The following TRPS1 variants were observed in gnomAD, a reference collection of about 807,000 sequenced individuals.
TRPS1 encodes the protein transcriptional repressor GATA binding 1, also known as zinc finger transcription factor Trps1.
TRPS1 carries 6 observed loss-of-function variants against 101.2 expected under a neutral mutation model. The ratio of observed to expected loss-of-function variants is 0.06; its 90% CI spans 0.03 to 0.12. The LOEUF is 0.12. Ranked by LOEUF, TRPS1 falls within the 10% of genes least tolerant of loss-of-function variation. The probability of loss-of-function intolerance (pLI) is 1.00; values close to 1 mark genes in which losing one functional copy is unlikely to be tolerated. For synonymous variants in TRPS1, 578 were observed against 589.8 expected (o/e 0.98, Z 0.29); for missense variants, 1,363 against 1,567.0 (o/e 0.87, Z 2.20).
At chr8:115,589,112 A>T (rs1817628801) in intron 4 of TRPS1, among the ~76,000 whole-genome samples, 1 of 152,202 alleles carries the variant, frequency 6.6e-6, no homozygotes, top group South Asian at 2.1e-4. Flanking sequence ...GGGGAAAGGA[A>T]GCCACATTCT....
intron 5 of TRPS1, among the ~76,000 whole-genome samples, chr8:115,538,404 G>A (rs997773851): frequency 7.2e-5 from 11 of 151,996 alleles, no homozygotes; most frequent in East Asian, 1.9e-4. Context: ...ACATTTTACC[G>A]ACTATCTTGC....
chr8:115,555,748 G>A (rs74511437), intron 5 of TRPS1, among the ~76,000 whole-genome samples: 4,485 of 152,214 alleles, frequency 0.029, 210 homozygotes, highest in African/African-American at 0.1. Context: ...GCTCACGCCT[G>A]TAATCTCAGC....
chr8:115,652,166 A>G (rs1334211214), intron 1 of TRPS1, among the ~76,000 whole-genome samples: 3 of 152,182 alleles, frequency 2.0e-5, no homozygotes, highest in African/African-American at 7.2e-5. Flanking sequence ...AGAGATACCC[A>G]AGAGAATGGC....
At chr8:115,660,149 AT>A (rs1266794950) in intron 1 of TRPS1, among the ~76,000 whole-genome samples, 1 of 151,962 alleles carries the variant, frequency 6.6e-6, no homozygotes, top group African/African-American at 2.4e-5. Flanking sequence ...TCTGCCATAT[AT>A]TTTTACACTA....
At chr8:115,524,540 C>T (rs1329944111) in intron 5 of TRPS1, among the ~76,000 whole-genome samples, 2 of 151,830 alleles carry the variant, frequency 1.3e-5, no homozygotes, top group East Asian at 2.0e-4. Flanking sequence ...AGGCTGGTCT[C>T]GAACTCCTGA....
At chr8:115,639,453 G>A (rs1238157204) in intron 1 of TRPS1, among the ~76,000 whole-genome samples, 1 of 152,076 alleles carries the variant, frequency 6.6e-6, no homozygotes, top group African/African-American at 2.4e-5. Flanking sequence ...GATTTCCCTT[G>A]TTTTCATTTT....
At chr8:115,575,529 CAT>C (rs1320299261) in intron 5 of TRPS1, among the ~76,000 whole-genome samples, 1 of 151,988 alleles carries the variant, frequency 6.6e-6, no homozygotes, top group Non-Finnish European at 1.5e-5. Context: ...CTATAATGAA[CAT>C]ATATCTTGAT....
chr8:115,614,104 G>T (rs541323308), intron 3 of TRPS1, among the ~76,000 whole-genome samples: 73 of 152,236 alleles, frequency 4.8e-4, no homozygotes, highest in Non-Finnish European at 8.7e-4. Flanking sequence ...CACACTACTT[G>T]TATATCTGTG....
chr8:115,652,249 C>A (rs1291623897), intron 1 of TRPS1, among the ~76,000 whole-genome samples: 2 of 152,142 alleles, frequency 1.3e-5, no homozygotes, highest in East Asian at 3.9e-4. Context: ...CATGAGGCTA[C>A]TGGCGACTTC....
In TRPS1 at chr8:115,619,481, C is replaced by G; in HGVS notation, c.617G>C (p.Gly206Ala). Reference sequence around the variant, plus strand: ...TTTGGATTTATTCAGTCTTACACCCCCATCTGAAGGCACTTGTGGGTTTTT... The same window carrying G: ...TTTGGATTTATTCAGTCTTACACCCGCATCTGAAGGCACTTGTGGGTTTTT... ...ASKNPQVPSDGGVRLNKSKTD... is the reference protein window; with the variant it reads ...ASKNPQVPSDAGVRLNKSKTD... The change falls in exon 3 of 7, where the codon GGG becomes GCG. Residue 206 changes from glycine to alanine, a missense_variant. By Grantham distance (60) the Gly-to-Ala change is moderately conservative. This residue lies in a region of TRPS1 where 1,020 missense variants were observed against 1,073.0 expected (regional missense o/e 0.95). Transcript: ENST00000395715. 2 of 1,614,200 alleles carry G rather than the reference C, an allele frequency of 1.2e-6. No homozygotes were observed. The highest frequency in any genetic ancestry group is 1.7e-6 in the Non-Finnish European group (2 of 1,180,046).
intron 1 of TRPS1, among the ~76,000 whole-genome samples, chr8:115,659,338 A>G (rs59002822): frequency 0.019 from 2,841 of 151,968 alleles, 97 homozygotes; most frequent in African/African-American, 0.065. Context: ...CTAAAAAGGT[A>G]TACTTCCAAT....
At chr8:115,523,521 G>C (rs937017889) in intron 5 of TRPS1, among the ~76,000 whole-genome samples, 3 of 152,050 alleles carry the variant, frequency 2.0e-5, no homozygotes, top group Non-Finnish European at 4.4e-5. Context: ...AATAGAGCGA[G>C]GCTCTGTCTC....
chr8:115,636,056 C>A (rs1818760106), intron 1 of TRPS1, among the ~76,000 whole-genome samples: 1 of 150,250 alleles, frequency 6.7e-6, no homozygotes, highest in Admixed American at 6.6e-5. Flanking sequence ...GATTTTGATG[C>A]ATTTTTTCAT....
chr8:115,520,725 GT>G (rs67217936), intron 5 of TRPS1, among the ~76,000 whole-genome samples: 151,824 of 151,824 alleles, frequency 1, 75,912 homozygotes, highest in Non-Finnish European at 1. Flanking sequence ...ATTAATTAAA[GT>G]TCTTAGACTT....
chr8:115,637,495 T>C (rs1818797460), intron 1 of TRPS1, among the ~76,000 whole-genome samples: 5 of 152,164 alleles, frequency 3.3e-5, no homozygotes, highest in Admixed American at 3.3e-4. Context: ...TCGCACAGGT[T>C]CAGATAAAAA....
intron 5 of TRPS1, among the ~76,000 whole-genome samples, chr8:115,462,386 C>G (rs1404610287): frequency 6.6e-6 from 1 of 152,148 alleles, no homozygotes. Context: ...TCCACTCTTG[C>G]TGTTTTGTGA....
intron 5 of TRPS1, among the ~76,000 whole-genome samples, chr8:115,438,173 T>A (rs998578056): frequency 5.9e-5 from 9 of 152,218 alleles, no homozygotes; most frequent in African/African-American, 2.2e-4. Flanking sequence ...TGCATAAGCA[T>A]CAAGGCCATG....
chr8:115,574,794 G>A (rs1817279513), intron 5 of TRPS1, among the ~76,000 whole-genome samples: 1 of 152,014 alleles, frequency 6.6e-6, no homozygotes, highest in Admixed American at 6.6e-5. Context: ...TTCTCTGAAT[G>A]TCCAAGTGAC....
chr8:115,533,443 T>TTTTTTTTTTTTTTC (rs1816193903), intron 5 of TRPS1, among the ~76,000 whole-genome samples: 1 of 129,358 alleles, frequency 7.7e-6, no homozygotes. Flanking sequence ...TCTGTTTTTT[T>TTTTTTTTTTTTTTC]TTTTTTTTTT....
Sources: gnomAD v4.1 joint callset for allele counts (sites outside exome capture counted in the v4.1 genomes callset) on GRCh38, gnomAD v4.1.1 for gene constraint, gnomAD v4.1.1 regional missense constraint, MANE v1.5 for transcripts, NCBI Gene and HGNC (gene_info 2026-07-23, HGNC 2026-07-21) for gene names.